Variants in TRABD2A observed in about 807,000 individuals in gnomAD.
TRABD2A encodes TraB domain containing 2A, also known as metalloprotease TIKI1.
TRABD2A carries 43 observed loss-of-function variants against 45.6 expected under a neutral mutation model. The ratio of observed to expected loss-of-function variants is 0.94; its 90% CI spans 0.74 to 1.22. TRABD2A has a LOEUF of 1.22. Ranked by LOEUF, TRABD2A falls within the 50% of genes most tolerant of loss-of-function variation. TRABD2A has a pLI of 0.00. For missense variants in TRABD2A, 642 were observed against 652.4 expected, an observed-to-expected ratio of 0.98 and a Z score of 0.17; for synonymous variants, 269 against 265.0, an observed-to-expected ratio of 1.02 and a Z score of -0.15.
chr2:84,840,751 C>T (rs570774764), intron 3 of TRABD2A, among the ~76,000 whole-genome samples: 7 of 152,322 alleles, frequency 4.6e-5, no homozygotes, highest in Admixed American at 4.6e-4. Context: ...ATCACCACCA[C>T]CAACTCTATT....
chr2:84,870,441 G>A lies in TRABD2A; in HGVS notation c.453C>T (p.Tyr151=). ...DQRGKGLYAD[Y]LFNAIAGNWE... is the part of the protein sequence containing the mutation. ...AGTTTCCGGCAATAGCATTGAAGAG[G>A]TAGTCTGCGTAGAGCCCCTTGCCGC... Residue 151 remains tyrosine (Y), a synonymous_variant, in exon 2 of 7, where the codon TAC becomes TAT. Transcript: ENST00000409520. The A allele has an allele frequency of 1.2e-6, 2 of 1,614,030 alleles. No homozygotes were observed. The highest frequency in any genetic ancestry group is 1.7e-6 in the Non-Finnish European group (2 of 1,179,900).
intron 1 of TRABD2A, 76 bp from the exon 2 acceptor site, chr2:84,870,861 T>A: frequency 3.1e-6 from 4 of 1,307,660 alleles, no homozygotes; most frequent in Non-Finnish European, 4.1e-6. Context: ...AGGAAATGAA[T>A]CAGTCACATT....
chr2:84,857,067 C>T (rs561662156), intron 2 of TRABD2A, among the ~76,000 whole-genome samples: 6 of 152,072 alleles, frequency 3.9e-5, no homozygotes, highest in African/African-American at 1.2e-4. Context: ...GTCTGCAAGC[C>T]AAGGAGAGAG....
chr2:84,880,017 G>T (rs553483475), intron 1 of TRABD2A, among the ~76,000 whole-genome samples: 1 of 134,440 alleles, frequency 7.4e-6, no homozygotes. Context: ...CCCGCGTCGC[G>T]GGCGCACCAG....
intron 2 of TRABD2A, among the ~76,000 whole-genome samples, chr2:84,847,317 C>T (rs1681931152): frequency 6.6e-6 from 1 of 152,238 alleles, no homozygotes; most frequent in South Asian, 2.1e-4. Flanking sequence ...ACATAATTTA[C>T]TCTCCTTGCT....
intron 1 of TRABD2A, among the ~76,000 whole-genome samples, chr2:84,873,194 G>T (rs1682921067): frequency 6.6e-6 from 1 of 151,640 alleles, no homozygotes; most frequent in Non-Finnish European, 1.5e-5. Context: ...GCCGAGGAGG[G>T]TGGATCACTT....
chr2:84,872,169 T>G (rs1406335335), intron 1 of TRABD2A, among the ~76,000 whole-genome samples: 1 of 152,110 alleles, frequency 6.6e-6, no homozygotes, highest in Admixed American at 6.6e-5. Context: ...ACAAGAACAA[T>G]GTATTAAGAA....
chr2:84,824,641 C>G (rs1011506477), intron 5 of TRABD2A, among the ~76,000 whole-genome samples: 6 of 149,370 alleles, frequency 4.0e-5, no homozygotes, highest in African/African-American at 1.5e-4. Flanking sequence ...GCCTCAAACT[C>G]CTGGGCTCAA....
chr2:84,853,375 A>T (rs1221399269), intron 2 of TRABD2A, among the ~76,000 whole-genome samples: 1 of 152,204 alleles, frequency 6.6e-6, no homozygotes, highest in Non-Finnish European at 1.5e-5. Context: ...GGAAGCAAAC[A>T]TGTCCTTCGT....
intron 1 of TRABD2A, among the ~76,000 whole-genome samples, chr2:84,874,358 C>T (rs1682959089): frequency 6.6e-6 from 1 of 152,206 alleles, no homozygotes; most frequent in African/African-American, 2.4e-5. Flanking sequence ...CCAGCCTCCA[C>T]CCAAGCATTT....
rs1490057332 is a variant in TRABD2A, at chr2:84,881,081, G to A, written c.-42C>T. ...CCGAGGCCCGGAACGCGGAGGGAAG[G>A]AGTAGGGCAGAGGTGGCCGCCCGCC... On this transcript the variant is annotated 5_prime_UTR_variant, in exon 1 of 7. Coordinates refer to ENST00000409520, the MANE Select transcript of TRABD2A (RefSeq NM_001277053.2). 6.5e-7 allele frequency: 1 copy of A among 1,531,608 alleles called. No homozygotes were observed. Among genetic ancestry groups the A allele is most frequent in the Non-Finnish European group, 8.8e-7 (1 of 1,140,186 alleles). 94.9% of individuals were successfully genotyped at this position (1,531,608 alleles called of 1,614,324 possible). A position where few individuals can be genotyped will look rare whatever the true frequency, so the allele number is the denominator to read the frequency against.
intron 1 of TRABD2A, among the ~76,000 whole-genome samples, chr2:84,875,235 G>A (rs1682988918): frequency 6.6e-6 from 1 of 152,228 alleles, no homozygotes; most frequent in African/African-American, 2.4e-5. Context: ...GTCACTGAAT[G>A]TCTATAAAGA....
chr2:84,823,831 T>A, intron 6 of TRABD2A, 122 bp downstream of exon 6: 1 of 1,368,548 alleles, frequency 7.3e-7, no homozygotes, highest in Non-Finnish European at 9.8e-7. Flanking sequence ...CCTGGGGTCA[T>A]GAGGAAAGGG....
At chr2:84,852,714 T>C (rs1428409801) in intron 2 of TRABD2A, among the ~76,000 whole-genome samples, 1 of 152,100 alleles carries the variant, frequency 6.6e-6, no homozygotes, top group African/African-American at 2.4e-5. Flanking sequence ...ATATGCCCAA[T>C]GTAGGAGCAG....
intron 2 of TRABD2A, among the ~76,000 whole-genome samples, chr2:84,842,292 A>G (rs1681737682): frequency 6.6e-6 from 1 of 152,258 alleles, no homozygotes; most frequent in South Asian, 2.1e-4. Flanking sequence ...GAGGGAACCC[A>G]AGAGCTGGCT....
chr2:84,844,700 C>T (rs1232182365), intron 2 of TRABD2A, among the ~76,000 whole-genome samples: 1 of 152,214 alleles, frequency 6.6e-6, no homozygotes, highest in Non-Finnish European at 1.5e-5. Context: ...GAGGAACAAA[C>T]CTTCAAAGGT....
intron 1 of TRABD2A, chr2:84,879,510 G>A: frequency 1.2e-6 from 1 of 809,532 alleles, no homozygotes; most frequent in Non-Finnish European, 1.5e-6. Context: ...ACGTAAAGGA[G>A]TCCTGAGACC....
At chr2:84,864,585 A>G (rs1682613327) in intron 2 of TRABD2A, among the ~76,000 whole-genome samples, 1 of 152,078 alleles carries the variant, frequency 6.6e-6, no homozygotes, top group Non-Finnish European at 1.5e-5. Flanking sequence ...CTGTGACCCC[A>G]GGCCAGCCCA....
At position 84,870,296 on chromosome 2, in the gene TRABD2A, T is replaced by G. The variant is rs745716406; in HGVS notation, c.598A>C (p.Arg200=). Residue 200 remains arginine, a synonymous_variant, in exon 2 of 7, where the codon AGG becomes CGG. Coordinates refer to ENST00000409520, the MANE Select transcript of TRABD2A (RefSeq NM_001277053.2). ...TTTTCCACTGCCCCAGTCTGTTTCC[T>G]CAGCCGCTCAGCCTCCTGGGCAAGG... The part of the protein sequence containing the change: ...LFLAQEAERL[R]KQTGAVEKVE... 3 of 1,613,896 alleles carry G rather than the reference T, an allele frequency of 1.9e-6. No homozygotes were observed. In the South Asian group the frequency reaches 3.3e-5, roughly 18 times the overall value.
Sources: gnomAD v4.1 joint callset for allele counts (sites outside exome capture counted in the v4.1 genomes callset) on GRCh38, gnomAD v4.1.1 for gene constraint, MANE v1.5 for transcripts, NCBI Gene and HGNC (gene_info 2026-07-23, HGNC 2026-07-21) for gene names.